DDX23: variants seen among roughly 807,000 people sequenced by gnomAD.
The protein encoded by DDX23 is probable ATP-dependent RNA helicase DDX23.
DDX23 carries 33 observed loss-of-function variants against 102.7 expected under a neutral mutation model. The observed-to-expected ratio is 0.32, with a 90% CI of 0.24 to 0.43. DDX23 has a LOEUF of 0.43. Among genes scored for constraint, DDX23 ranks in the 20% least tolerant of loss-of-function variants. The pLI is 1.00. For synonymous variants in DDX23, 352 were observed against 376.0 expected, an observed-to-expected ratio of 0.94 and a Z score of 0.74; for missense variants, 549 against 1,086.6, an observed-to-expected ratio of 0.51 and a Z score of 6.96.
At chr12:48,839,137 A>G (rs1938507834) in intron 5 of DDX23, among the ~76,000 whole-genome samples, 1 of 152,146 alleles carries the variant, frequency 6.6e-6, no homozygotes, top group Non-Finnish European at 1.5e-5. Flanking sequence ...GGCCTTCCAA[A>G]GTATTGGGAT....
At chr12:48,847,128 A>G (rs1347992504) in intron 1 of DDX23, 1 of 152,256 alleles carries the variant, frequency 6.6e-6, no homozygotes, top group Non-Finnish European at 1.5e-5. Flanking sequence ...AACAAGAAGC[A>G]CTTTCAAAAG....
chr12:48,834,454 G>C lies in DDX23; in HGVS notation c.1426C>G (p.Pro476Ala), dbSNP rs1337696670. The part of the protein sequence containing the change: ...DQGPYAIILA[P>A]TRELAQQIEE... ...ATCTGTTGAGCCAACTCACGGGTGG[G>C]AGCCAGGATGATGGCATAAGGGCCT... The change falls in exon 12 of 17, where the codon CCC (proline) becomes GCC (alanine). Residue 476 changes from proline to alanine, a missense_variant. By Grantham distance (27) the Pro-to-Ala change is conservative. Transcript: ENST00000308025. 6.2e-7 allele frequency: 1 copy of C among 1,614,006 alleles called. No individual in the cohort carries two copies. The highest frequency in any genetic ancestry group is 1.7e-5 in the Admixed American group (1 of 59,982).
chr12:48,832,314 G>A lies in DDX23; in HGVS notation c.1955+108C>T, dbSNP rs1253739518. ...TGACATTCTGCCCAAGAAAACAGCAGCTCTTCAACACAGCAGAGCAATTGC... is the reference window on the plus strand; with the variant it reads ...TGACATTCTGCCCAAGAAAACAGCAACTCTTCAACACAGCAGAGCAATTGC... On this transcript the variant is annotated intron_variant, in intron 14 of 16. Coordinates refer to ENST00000308025, the MANE Select transcript of DDX23 (RefSeq NM_004818.3). The surrounding 1 kb of genome is among the most constrained non-coding windows in gnomAD (Gnocchi z 4.4). 5.2e-6 allele frequency: 8 copies of A among 1,552,462 alleles called. No homozygotes were observed. Among genetic ancestry groups the A allele is most frequent in the Middle Eastern group, 1.7e-4 (1 of 5,862 alleles).
intron 11 of DDX23, among the ~76,000 whole-genome samples, chr12:48,835,698 G>A (rs557841617): frequency 2.6e-5 from 4 of 151,850 alleles, no homozygotes; most frequent in Non-Finnish European, 2.9e-5. Flanking sequence ...CAACAAGAGC[G>A]AAACTCCGTC....
At position 48,836,611 on chromosome 12, in the gene DDX23, C is replaced by T; in HGVS notation, c.1194G>A (p.Leu398=). The change falls in exon 10 of 17, where the codon CTG becomes CTA. Residue 398 remains leucine, a synonymous_variant. Transcript: ENST00000308025. This position sits in a 1 kb window ranked among gnomAD's most constrained non-coding sequence, Gnocchi z 6.1. Reference sequence around the variant, plus strand: ...CAATGACCTCCAAGATGTGTGGGGGCAGAGAAGAGTCTTTCCAGGATCGGA... The same window carrying T: ...CAATGACCTCCAAGATGTGTGGGGGTAGAGAAGAGTCTTTCCAGGATCGGA... The part of the protein sequence containing the change: ...NPIRSWKDSS[L]PPHILEVIDK... The T allele has an allele frequency of 6.2e-7, 1 of 1,614,014 alleles. No homozygotes were observed. The highest frequency in any genetic ancestry group is 8.5e-7 in the Non-Finnish European group (1 of 1,180,032).
At position 48,838,892 on chromosome 12, in the gene DDX23, T is replaced by A. The variant is rs187837349; in HGVS notation, c.481-812A>T. ...ACAATGCATGTGTTATATATATTTT[T>A]TGAGACAGACTCTCGCTCTGTTGCC... is the stretch of plus-strand genomic sequence containing the variant. On this transcript the variant is annotated intron_variant, in intron 5 of 16. Transcript: ENST00000308025. Among the ~76,000 whole-genome samples the A allele has an allele frequency of 6.6e-5, 10 of 152,194 alleles. No homozygotes were observed. The East Asian group carries it at 1.7e-3, about 27-fold the overall frequency.
intron 12 of DDX23, 78 bp from the exon 13 acceptor site, chr12:48,833,597 G>A: frequency 6.5e-7 from 1 of 1,542,844 alleles, no homozygotes; most frequent in Non-Finnish European, 8.7e-7. Context: ...CACCCACTTG[G>A]GTGACAGACC....
intron 3 of DDX23, among the ~76,000 whole-genome samples, chr12:48,843,116 C>T (rs1391275171): frequency 6.7e-6 from 1 of 148,960 alleles, no homozygotes; most frequent in African/African-American, 2.5e-5. Context: ...CGTTAAGAGT[C>T]ATCACCACTC....
chr12:48,845,881 A>G, intron 1 of DDX23, 99 bp from the exon 2 acceptor site: 1 of 1,273,002 alleles, frequency 7.9e-7, no homozygotes, highest in Admixed American at 2.0e-5. Flanking sequence ...TGAGGTGGAT[A>G]TATTAGTATG....
At chr12:48,842,802 A>G (rs1472706121) in intron 3 of DDX23, among the ~76,000 whole-genome samples, 1 of 152,228 alleles carries the variant, frequency 6.6e-6, no homozygotes, top group Non-Finnish European at 1.5e-5. Flanking sequence ...AGGTGTACTC[A>G]ACAGCTCATT....
intron 3 of DDX23, among the ~76,000 whole-genome samples, chr12:48,841,979 C>A (rs1207849038): frequency 1.3e-5 from 2 of 151,160 alleles, no homozygotes; most frequent in East Asian, 3.9e-4. Context: ...ATGTGAGGAG[C>A]GTCTCTGCCC....
intron 11 of DDX23, among the ~76,000 whole-genome samples, chr12:48,835,779 T>C (rs1354179742): frequency 6.6e-6 from 1 of 152,054 alleles, no homozygotes; most frequent in Non-Finnish European, 1.5e-5. Flanking sequence ...AATCCCCAGC[T>C]ACTCAGGAGG....
Position 48,836,443 on chromosome 12 carries a change from G to T in DDX23, c.1236+126C>A. 1 of 1,248,136 alleles carries T rather than the reference G, an allele frequency of 8.0e-7. No homozygotes were observed. The highest frequency in any genetic ancestry group is 1.1e-6 in the Non-Finnish European group (1 of 884,652). The allele number at this position is 1,248,136 out of a possible 1,614,324, so 77.3% of individuals were successfully genotyped here. A position where few individuals can be genotyped will look rare whatever the true frequency, so the allele number is the denominator to read the frequency against. On this transcript the variant is annotated intron_variant, in intron 10 of 16. Transcript: ENST00000308025. This position sits in a 1 kb window ranked among gnomAD's most constrained non-coding sequence, Gnocchi z 6.1. ...AAAGCCAACACTTCTACCAGAAAGT[G>T]ACAGAAAAGGTCACATTGGTGCCCA...
At position 48,836,934 on chromosome 12, in the gene DDX23, T is replaced by C. The variant is rs1451742162; in HGVS notation, c.970A>G (p.Met324Val). 3.7e-6 allele frequency: 6 copies of C among 1,613,972 alleles called. No homozygotes were observed. Among genetic ancestry groups the C allele is most frequent in the Non-Finnish European group, 5.1e-6 (6 of 1,180,042 alleles). The change falls in exon 9 of 17, where the codon ATG (methionine) becomes GTG (valine). Residue 324 changes from methionine to valine, a missense_variant. This residue lies in a region of DDX23 where 270 missense variants were observed against 707.0 expected (regional missense o/e 0.38). Transcript: ENST00000308025. The surrounding 1 kb of genome is among the most constrained non-coding windows in gnomAD (Gnocchi z 6.1). Reference protein sequence around the residue: ...REQSRFYGDLMEKRRTLEEKE... With the variant: ...REQSRFYGDLVEKRRTLEEKE... ...TCTTCCAGGGTTCGCCTCTTCTCCA[T>C]TAGGTCTCCATAGAAACGTGACTGC...
At position 48,832,739 on chromosome 12, in the gene DDX23, T is replaced by C. The variant is rs2137481133; in HGVS notation, c.1804-166A>G. The stretch of plus-strand genomic sequence containing the variant: ...GTGTCCTCTGAATTCCCATCCTTCC[T>C]GAGTACCTGCTCATCAAGGCACTTT... On this transcript the variant is annotated intron_variant, in intron 13 of 16. Coordinates refer to ENST00000308025, the MANE Select transcript of DDX23 (RefSeq NM_004818.3). The surrounding 1 kb of genome is among the most constrained non-coding windows in gnomAD (Gnocchi z 4.4). The C allele has an allele frequency of 1.2e-6, 1 of 845,392 alleles. No individual in the cohort carries two copies. Among genetic ancestry groups the C allele is most frequent in the Non-Finnish European group, 1.8e-6 (1 of 568,390 alleles). 52.4% of individuals were successfully genotyped at this position (845,392 alleles called of 1,614,324 possible). A position where few individuals can be genotyped will look rare whatever the true frequency, so the allele number is the denominator to read the frequency against.
Position 48,829,896 on chromosome 12 carries a change from TGGGG to T in DDX23, c.*569_*572del, listed in dbSNP as rs1363908085. 1 of 256,238 alleles carries T rather than the reference TGGGG, an allele frequency of 3.9e-6. No homozygotes were observed. Among genetic ancestry groups the T allele is most frequent in the African/African-American group, 2.2e-5 (1 of 45,110 alleles). 15.9% of individuals were successfully genotyped at this position (256,238 alleles called of 1,614,324 possible). On this transcript the variant is annotated 3_prime_UTR_variant, in exon 17 of 17. Coordinates refer to ENST00000308025, the MANE Select transcript of DDX23 (RefSeq NM_004818.3). ...CCCCCCATCTACTTAGAAAATCCCC[TGGGG>T]GAGGGGATGCCTAGAGCATACAGCA...
intron 11 of DDX23, among the ~76,000 whole-genome samples, chr12:48,835,578 C>T (rs986921070): frequency 2.6e-5 from 4 of 151,792 alleles, no homozygotes; most frequent in Non-Finnish European, 4.4e-5. Flanking sequence ...GGCATGGTGA[C>T]GGGCACCTAT....
intron 3 of DDX23, among the ~76,000 whole-genome samples, chr12:48,842,461 C>A (rs550107957): frequency 7.2e-6 from 1 of 138,594 alleles, no homozygotes; most frequent in East Asian, 2.3e-4. Context: ...GGGGGTCAGC[C>A]CCCCGCCCGG....
chr12:48,840,249 C>T, intron 3 of DDX23, 143 bp from the exon 4 acceptor site: 2 of 739,086 alleles, frequency 2.7e-6, no homozygotes, highest in Non-Finnish European at 4.9e-6. Context: ...TTGAAACTCT[C>T]TTAGCAGGCA....
Sources: allele counts gnomAD v4.1 joint callset (sites outside exome capture counted in the v4.1 genomes callset), GRCh38; gene constraint gnomAD v4.1.1; regional missense constraint gnomAD v4.1.1; non-coding constraint Gnocchi (gnomAD v3.1); transcripts MANE v1.5; gene names NCBI Gene and HGNC (gene_info 2026-07-23, HGNC 2026-07-21).